CYP7B1: variants seen among roughly 807,000 people sequenced by gnomAD.
CYP7B1 encodes cytochrome P450 7B1.
A neutral mutation model predicts 42.7 loss-of-function variants in CYP7B1; 29 were observed. That is an observed-to-expected ratio of 0.68 (90% CI 0.51 to 0.93). The LOEUF is 0.93. CYP7B1 is among the 40% of genes least tolerant of loss of function. The pLI is 0.00. For synonymous variants in CYP7B1, 235 were observed against 218.2 expected, an observed-to-expected ratio of 1.08 and a Z score of -0.68; for missense variants, 655 against 600.5, an observed-to-expected ratio of 1.09 and a Z score of -0.95.
At chr8:64,721,770 C>G (rs1298652899) in intron 1 of CYP7B1, among the ~76,000 whole-genome samples, 1 of 151,874 alleles carries the variant, frequency 6.6e-6, no homozygotes, top group Non-Finnish European at 1.5e-5. Context: ...GTAAATAACA[C>G]TATATCTTTA....
chr8:64,695,862 T>C (rs1382077023), intron 1 of CYP7B1, among the ~76,000 whole-genome samples: 1 of 152,110 alleles, frequency 6.6e-6, no homozygotes, highest in Non-Finnish European at 1.5e-5. Context: ...TGGCTGCTTT[T>C]AAAAGAAAAG....
rs547283243 is a variant in CYP7B1, at chr8:64,790,222, C to T, written c.122+8244G>A. Among the ~76,000 whole-genome samples the T allele has an allele frequency of 1.6e-4, 25 of 152,240 alleles. No homozygotes were observed. The East Asian group carries it at 2.9e-3, about 18-fold the overall frequency. ...CCCAAATCCTGTCATTTCTAATTTC[C>T]AATGTTTGATCTTCTGGGCCAACAC... On this transcript the variant is annotated intron_variant, in intron 1 of 5. Coordinates refer to ENST00000310193, the MANE Select transcript of CYP7B1 (RefSeq NM_004820.5).
intron 1 of CYP7B1, among the ~76,000 whole-genome samples, chr8:64,651,588 A>T (rs1048850264): frequency 6.6e-6 from 1 of 152,174 alleles, no homozygotes; most frequent in African/African-American, 2.4e-5. Context: ...CTTAATCTCC[A>T]GTGTGATGGT....
intron 1 of CYP7B1, among the ~76,000 whole-genome samples, chr8:64,791,103 G>T (rs565615035): frequency 6.6e-6 from 1 of 152,164 alleles, no homozygotes; most frequent in Non-Finnish European, 1.5e-5. Flanking sequence ...TCAACCCACA[G>T]AAGAAAGCAA....
chr8:64,719,534 C>T (rs1272967804), intron 1 of CYP7B1, among the ~76,000 whole-genome samples: 2 of 152,174 alleles, frequency 1.3e-5, no homozygotes, highest in Non-Finnish European at 2.9e-5. Context: ...GTTCACAAGT[C>T]CTTCAAAACC....
intron 1 of CYP7B1, among the ~76,000 whole-genome samples, chr8:64,758,999 G>T (rs1354247477): frequency 2.0e-5 from 3 of 152,160 alleles, no homozygotes; most frequent in African/African-American, 7.2e-5. Flanking sequence ...CAAAGTGATT[G>T]TGTTGATGAC....
chr8:64,712,613 TG>T (rs1807097567), intron 1 of CYP7B1, among the ~76,000 whole-genome samples: 1 of 151,838 alleles, frequency 6.6e-6, no homozygotes, highest in African/African-American at 2.4e-5. Flanking sequence ...TTTTTATAAA[TG>T]TGGATATATT....
intron 1 of CYP7B1, among the ~76,000 whole-genome samples, 166 bp from the exon 2 acceptor site, chr8:64,624,705 C>G (rs1805582150): frequency 6.6e-6 from 1 of 152,092 alleles, no homozygotes; most frequent in Non-Finnish European, 1.5e-5. Flanking sequence ...CATGAGTTTA[C>G]TGAGCTTCTC....
chr8:64,679,181 T>C (rs1006216051), intron 1 of CYP7B1, among the ~76,000 whole-genome samples: 1 of 152,084 alleles, frequency 6.6e-6, no homozygotes, highest in African/African-American at 2.4e-5. Flanking sequence ...ACATTTCATA[T>C]ATTCATTCAT....
chr8:64,594,008 C>A lies in CYP7B1; in HGVS notation c.*2634G>T, dbSNP rs1365928257. Reference sequence around the variant, plus strand: ...TCTGACTCAAAATCAACCTTGGAGACCCTACAGAATGGAGAGGATTGGATG... The same window carrying A: ...TCTGACTCAAAATCAACCTTGGAGAACCTACAGAATGGAGAGGATTGGATG... On this transcript the variant is annotated 3_prime_UTR_variant, in exon 6 of 6. Transcript: ENST00000310193. 6.6e-6 allele frequency among the ~76,000 whole-genome samples: 1 copy of A among 152,058 alleles called. No individual in the cohort carries two copies. Among genetic ancestry groups the A allele is most frequent in the Non-Finnish European group, 1.5e-5 (1 of 68,000 alleles).
intron 1 of CYP7B1, among the ~76,000 whole-genome samples, chr8:64,698,335 G>C (rs920274104): frequency 9.2e-5 from 14 of 152,116 alleles, no homozygotes; most frequent in African/African-American, 2.6e-4. Flanking sequence ...CAGCAGCAGG[G>C]GGGGGAAAAA....
chr8:64,684,478 G>C (rs1806589533), intron 1 of CYP7B1, among the ~76,000 whole-genome samples: 2 of 152,288 alleles, frequency 1.3e-5, no homozygotes, highest in Admixed American at 1.3e-4. Context: ...ATCACGCTTT[G>C]TTAAAATAAT....
At chr8:64,731,678 G>A (rs1807411568) in intron 1 of CYP7B1, among the ~76,000 whole-genome samples, 1 of 152,158 alleles carries the variant, frequency 6.6e-6, no homozygotes, top group African/African-American at 2.4e-5. Context: ...AGGGCATGTC[G>A]GAGACCTTCA....
At chr8:64,676,486 A>G (rs1286907044) in intron 1 of CYP7B1, among the ~76,000 whole-genome samples, 1 of 152,022 alleles carries the variant, frequency 6.6e-6, no homozygotes, top group Non-Finnish European at 1.5e-5. Context: ...CCTCTGAAGA[A>G]CCCCTTCGGA....
At chr8:64,708,876 G>A (rs908209822) in intron 1 of CYP7B1, among the ~76,000 whole-genome samples, 3 of 152,130 alleles carry the variant, frequency 2.0e-5, no homozygotes, top group African/African-American at 7.2e-5. Context: ...TGTTAGAGGG[G>A]AACCTCCTTT....
chr8:64,690,906 G>T (rs1200137506), intron 1 of CYP7B1, among the ~76,000 whole-genome samples: 1 of 152,180 alleles, frequency 6.6e-6, no homozygotes, highest in East Asian at 1.9e-4. Context: ...AGTAAGAAAT[G>T]GAACCAAATA....
chr8:64,616,434 A>C (rs1162302535), intron 2 of CYP7B1, among the ~76,000 whole-genome samples, 153 bp from the exon 3 acceptor site: 3 of 152,192 alleles, frequency 2.0e-5, no homozygotes, highest in Non-Finnish European at 2.9e-5. Flanking sequence ...TCGAAGGTAC[A>C]CTACATGTTT....
chr8:64,656,497 T>A (rs1299851900), intron 1 of CYP7B1, among the ~76,000 whole-genome samples: 1 of 152,220 alleles, frequency 6.6e-6, no homozygotes, highest in Non-Finnish European at 1.5e-5. Context: ...TGGGAAAAGC[T>A]GTATATGCTG....
chr8:64,739,939 T>C (rs1563410995), intron 1 of CYP7B1, among the ~76,000 whole-genome samples: 2 of 152,000 alleles, frequency 1.3e-5, no homozygotes, highest in Non-Finnish European at 2.9e-5. Flanking sequence ...CCTTCAAAAC[T>C]GAAAGAGATA....
Sources: allele counts gnomAD v4.1 joint callset (sites outside exome capture counted in the v4.1 genomes callset), GRCh38; gene constraint gnomAD v4.1.1; transcripts MANE v1.5; gene names NCBI Gene and HGNC (gene_info 2026-07-23, HGNC 2026-07-21).